Variants in PCBP1 observed in about 807,000 individuals in gnomAD.
PCBP1 encodes the protein poly(rC) binding protein 1.
For synonymous variants in PCBP1, 284 were observed against 195.8 expected (o/e 1.45, Z -3.76); for missense variants, 244 against 474.4 (o/e 0.51, Z 4.51).
Position 70,088,914 on chromosome 2 carries a change from T to A in PCBP1, c.*100T>A. 1 of 834,702 alleles carries A rather than the reference T, an allele frequency of 1.2e-6. No homozygotes were observed. Among genetic ancestry groups the A allele is most frequent in the East Asian group, 2.7e-5 (1 of 37,542 alleles). 51.7% of individuals were successfully genotyped at this position (834,702 alleles called of 1,614,324 possible). On this transcript the variant is annotated 3_prime_UTR_variant, in exon 1 of 1. Transcript: ENST00000303577. The surrounding 1 kb of genome is among the most constrained non-coding windows in gnomAD (Gnocchi z 4.5). ...TTCCAGGTTTTAAATAATTTGTAAG[T>A]GTTCAGTTTCTACACAACTTTATCA... is the stretch of plus-strand genomic sequence containing the variant.
At position 70,089,027 on chromosome 2, in the gene PCBP1, G is replaced by GT. The variant is rs1433166436; in HGVS notation, c.*217dup. On this transcript the variant is annotated 3_prime_UTR_variant, in exon 1 of 1. Transcript: ENST00000303577. Reference sequence around the variant, plus strand: ...TTTTATAAGCTTTTCCCTGTTTTTAGTTTTGTTTTGGGTTTTTTGGCTCAT... The same window carrying GT: ...TTTTATAAGCTTTTCCCTGTTTTTAGTTTTTGTTTTGGGTTTTTTGGCTCAT... 1.1e-5 allele frequency: 5 copies of GT among 460,724 alleles called. No homozygotes were observed. Among genetic ancestry groups the GT allele is most frequent in the Middle Eastern group, 1.1e-3 (2 of 1,786 alleles). The allele number at this position is 460,724 out of a possible 1,614,324, so 28.5% of individuals were successfully genotyped here. A position where few individuals can be genotyped will look rare whatever the true frequency, so the allele number is the denominator to read the frequency against.
At position 70,087,776 on chromosome 2, in the gene PCBP1, T is replaced by C. The variant is rs1558626083; in HGVS notation, c.33T>C (p.Asn11=). 6.4e-7 allele frequency: 1 copy of C among 1,572,444 alleles called. No individual in the cohort carries two copies. The highest frequency in any genetic ancestry group is 2.3e-5 in the East Asian group (1 of 44,414). ...CCGGTGTGACTGAAAGTGGACTAAA[T>C]GTGACTCTCACCATTCGGCTTCTTA... The part of the protein sequence containing the change: MDAGVTESGL[N]VTLTIRLLMH... The change falls in exon 1 of 1, where the codon AAT becomes AAC. Residue 11 remains asparagine (N), a synonymous_variant. Coordinates refer to ENST00000303577, the MANE Select transcript of PCBP1 (RefSeq NM_006196.4).
Position 70,087,493 on chromosome 2 carries a change from C to T in PCBP1, c.-251C>T, listed in dbSNP as rs940884360. On this transcript the variant is annotated 5_prime_UTR_variant, in exon 1 of 1. Coordinates refer to ENST00000303577, the MANE Select transcript of PCBP1 (RefSeq NM_006196.4). ...GCCCCGCCCAGACCGCCGAGGCTGC[C>T]GCCGGAGTCGCCACCGCCGCGCCCT... 3 of 149,820 alleles carry T rather than the reference C, an allele frequency of 2.0e-5. No individual in the cohort carries two copies. The highest frequency in any genetic ancestry group is 3.0e-5 in the Non-Finnish European group (2 of 66,862). 9.3% of individuals were successfully genotyped at this position (149,820 alleles called of 1,614,324 possible).
Position 70,088,894 on chromosome 2 carries a change from G to C in PCBP1, c.*80G>C. ...GTGTAATTTCTGGTCAGTGATTCCA[G>C]GTTTTAAATAATTTGTAAGTGTTCA... On this transcript the variant is annotated 3_prime_UTR_variant, in exon 1 of 1. Transcript: ENST00000303577. The surrounding 1 kb of genome is among the most constrained non-coding windows in gnomAD (Gnocchi z 4.5). 1 of 1,009,530 alleles carries C rather than the reference G, an allele frequency of 9.9e-7. No homozygotes were observed. The highest frequency in any genetic ancestry group is 1.4e-6 in the Non-Finnish European group (1 of 691,258). 62.5% of individuals were successfully genotyped at this position (1,009,530 alleles called of 1,614,324 possible).
rs753428056 is a variant in PCBP1, at chr2:70,087,703, G to T, written c.-41G>T. On this transcript the variant is annotated 5_prime_UTR_variant, in exon 1 of 1. Coordinates refer to ENST00000303577, the MANE Select transcript of PCBP1 (RefSeq NM_006196.4). ...CGCCAGCCGCCAAAGACTTGACCAC[G>T]TAACGAGCCCAACTCCCCCGAACGC... The T allele has an allele frequency of 1.2e-5, 17 of 1,361,052 alleles. No individual in the cohort carries two copies. Among genetic ancestry groups the T allele is most frequent in the Non-Finnish European group, 1.6e-5 (16 of 990,028 alleles). 84.3% of individuals were successfully genotyped at this position (1,361,052 alleles called of 1,614,324 possible).
chr2:70,088,139 G>C lies in PCBP1; in HGVS notation c.396G>C (p.Gln132His). 1 of 1,614,036 alleles carries C rather than the reference G, an allele frequency of 6.2e-7. No homozygotes were observed. The highest frequency in any genetic ancestry group is 1.1e-5 in the South Asian group (1 of 91,084). ...EIRESTGAQV[Q>H]VAGDMLPNST... ...GCGAGAGTACGGGGGCGCAGGTCCA[G>C]GTGGCGGGGGATATGCTGCCCAACT... Residue 132 changes from glutamine (Q) to histidine (H), a missense_variant, in exon 1 of 1, where the codon CAG (glutamine) becomes CAC (histidine). By Grantham distance (24) the Gln-to-His change is conservative (BLOSUM62 0). Coordinates refer to ENST00000303577, the MANE Select transcript of PCBP1 (RefSeq NM_006196.4). The surrounding 1 kb of genome is among the most constrained non-coding windows in gnomAD (Gnocchi z 4.5).
Position 70,087,926 on chromosome 2 carries a change from G to C in PCBP1, c.183G>C (p.Leu61=). 6.2e-7 allele frequency: 1 copy of C among 1,611,800 alleles called. No homozygotes were observed. The highest frequency in any genetic ancestry group is 1.7e-5 in the Admixed American group (1 of 59,948). ...EGNCPERIIT[L]TGPTNAIFKA... ...ATTGTCCGGAGAGAATCATCACTCTGACCGGCCCCACCAATGCCATCTTTA... is the reference window on the plus strand; with the variant it reads ...ATTGTCCGGAGAGAATCATCACTCTCACCGGCCCCACCAATGCCATCTTTA... The change falls in exon 1 of 1, where the codon CTG becomes CTC. Residue 61 remains leucine (L), a synonymous_variant. Coordinates refer to ENST00000303577, the MANE Select transcript of PCBP1 (RefSeq NM_006196.4).
rs552629382 is a variant in PCBP1, at chr2:70,088,891, C to G, written c.*77C>G. 1.9e-6 allele frequency: 2 copies of G among 1,042,004 alleles called. No individual in the cohort carries two copies. The highest frequency in any genetic ancestry group is 2.8e-6 in the Non-Finnish European group (2 of 718,816). 64.5% of individuals were successfully genotyped at this position (1,042,004 alleles called of 1,614,324 possible). On this transcript the variant is annotated 3_prime_UTR_variant, in exon 1 of 1. Coordinates refer to ENST00000303577, the MANE Select transcript of PCBP1 (RefSeq NM_006196.4). This position sits in a 1 kb window ranked among gnomAD's most constrained non-coding sequence, Gnocchi z 4.5. Reference sequence around the variant, plus strand: ...ACTGTGTAATTTCTGGTCAGTGATTCCAGGTTTTAAATAATTTGTAAGTGT... The same window carrying G: ...ACTGTGTAATTTCTGGTCAGTGATTGCAGGTTTTAAATAATTTGTAAGTGT...
chr2:70,088,853 C>T lies in PCBP1; in HGVS notation c.*39C>T, dbSNP rs1558626664. The stretch of plus-strand genomic sequence containing the variant: ...CCCTCAATAACCCCTTTCTGCTGTT[C>T]TCCCATGATCCAACTGTGTAATTTC... On this transcript the variant is annotated 3_prime_UTR_variant, in exon 1 of 1. Transcript: ENST00000303577. The surrounding 1 kb of genome is among the most constrained non-coding windows in gnomAD (Gnocchi z 4.5). 1.9e-5 allele frequency: 27 copies of T among 1,412,252 alleles called. No individual in the cohort carries two copies. The highest frequency in any genetic ancestry group is 7.6e-5 in the South Asian group (6 of 78,912). The allele number at this position is 1,412,252 out of a possible 1,614,324, so 87.5% of individuals were successfully genotyped here. A position where few individuals can be genotyped will look rare whatever the true frequency, so the allele number is the denominator to read the frequency against.
In PCBP1 at chr2:70,087,660, C is replaced by T. The variant is rs1671349261; in HGVS notation, c.-84C>T. 1.0e-6 allele frequency: 1 copy of T among 960,838 alleles called. No homozygotes were observed. The highest frequency in any genetic ancestry group is 2.5e-5 in the Admixed American group (1 of 40,384). The allele number at this position is 960,838 out of a possible 1,614,324, so 59.5% of individuals were successfully genotyped here. On this transcript the variant is annotated 5_prime_UTR_variant, in exon 1 of 1. Transcript: ENST00000303577. Reference sequence around the variant, plus strand: ...TCGCCTCGCGCCGGCAGTTTTGGGCCTACACCTCCCCTCCCCCCGCCAGCC... The same window carrying T: ...TCGCCTCGCGCCGGCAGTTTTGGGCTTACACCTCCCCTCCCCCCGCCAGCC...
In PCBP1 at chr2:70,088,431, A is replaced by G; in HGVS notation, c.688A>G (p.Ile230Val). ...DAYSIQGQHT[I>V]SPLDLAKLNQ... ...CTACTCGATTCAAGGACAACACACC[A>G]TTTCTCCGCTCGATCTGGCCAAGCT... Residue 230 changes from isoleucine (I) to valine (V), a missense_variant, in exon 1 of 1, where the codon ATT becomes GTT. Ile to Val is a conservative substitution (Grantham distance 29). Coordinates refer to ENST00000303577, the MANE Select transcript of PCBP1 (RefSeq NM_006196.4). The surrounding 1 kb of genome is among the most constrained non-coding windows in gnomAD (Gnocchi z 4.5). 6.2e-7 allele frequency: 1 copy of G among 1,614,070 alleles called. No homozygotes were observed. Among genetic ancestry groups the G allele is most frequent in the Non-Finnish European group, 8.5e-7 (1 of 1,180,014 alleles).
rs753741941 is a variant in PCBP1, at chr2:70,087,747, G to C, written c.4G>C (p.Asp2His). 1 of 1,537,246 alleles carries C rather than the reference G, an allele frequency of 6.5e-7. No individual in the cohort carries two copies. Among genetic ancestry groups the C allele is most frequent in the Non-Finnish European group, 8.8e-7 (1 of 1,138,806 alleles). Residue 2 changes from aspartate to histidine, a missense_variant, in exon 1 of 1, where the codon GAT becomes CAT. Physicochemically the swap from Asp to His is moderately conservative, Grantham distance 81 (BLOSUM62 -1). Coordinates refer to ENST00000303577, the MANE Select transcript of PCBP1 (RefSeq NM_006196.4). Reference protein sequence around the residue: MDAGVTESGLNV... With the variant: MHAGVTESGLNV... ...CGAACGCCGCCCGCCGCTCGCCATG[G>C]ATGCCGGTGTGACTGAAAGTGGACT...
Position 70,088,114 on chromosome 2 carries a change from G to A in PCBP1, c.371G>A (p.Arg124His). Residue 124 changes from arginine to histidine, a missense_variant, in exon 1 of 1, where the codon CGC becomes CAC. Coordinates refer to ENST00000303577, the MANE Select transcript of PCBP1 (RefSeq NM_006196.4). This position sits in a 1 kb window ranked among gnomAD's most constrained non-coding sequence, Gnocchi z 4.5. ...GGCGGGTGTAAGATCAAAGAGATCC[G>A]CGAGAGTACGGGGGCGCAGGTCCAG... ...GKGGCKIKEIRESTGAQVQVA... is the reference protein window; with the variant it reads ...GKGGCKIKEIHESTGAQVQVA... The A allele has an allele frequency of 6.2e-7, 1 of 1,613,920 alleles. No individual in the cohort carries two copies. The highest frequency in any genetic ancestry group is 8.5e-7 in the Non-Finnish European group (1 of 1,180,032).
At position 70,087,869 on chromosome 2, in the gene PCBP1, G is replaced by A; in HGVS notation, c.126G>A (p.Glu42=). 6.2e-7 allele frequency: 1 copy of A among 1,612,584 alleles called. No homozygotes were observed. The highest frequency in any genetic ancestry group is 8.5e-7 in the Non-Finnish European group (1 of 1,178,958). The change falls in exon 1 of 1, where the codon GAG becomes GAA. Residue 42 remains glutamate (E), a synonymous_variant. Transcript: ENST00000303577. ...KGESVKRIRE[E]SGARINISEG... is the part of the protein sequence containing the mutation. ...AGTCGGTTAAGAGGATCCGCGAGGA[G>A]AGTGGCGCGCGGATCAACATCTCGG...
In PCBP1 at chr2:70,088,907, T is replaced by G. The variant is rs1203737083; in HGVS notation, c.*93T>G. 1.3e-5 allele frequency: 11 copies of G among 876,406 alleles called. No individual in the cohort carries two copies. In the African/African-American group the frequency reaches 1.9e-4, roughly 15 times the overall value. 54.3% of individuals were successfully genotyped at this position (876,406 alleles called of 1,614,324 possible). On this transcript the variant is annotated 3_prime_UTR_variant, in exon 1 of 1. Transcript: ENST00000303577. The surrounding 1 kb of genome is among the most constrained non-coding windows in gnomAD (Gnocchi z 4.5). ...TCAGTGATTCCAGGTTTTAAATAAT[T>G]TGTAAGTGTTCAGTTTCTACACAAC...
Position 70,087,808 on chromosome 2 carries a change from GA to G in PCBP1, c.68del (p.Lys23ArgfsTer3). On this transcript the variant is annotated frameshift_variant, in exon 1 of 1. Transcript: ENST00000303577. LOFTEE classifies it high-confidence loss of function. ...VTLTIRLLMH[G>X]KEVGSIIGKK... The stretch of plus-strand genomic sequence containing the variant: ...CTCACCATTCGGCTTCTTATGCACG[GA>G]AAGGAAGTAGGAAGCATCATTGGGA... The G allele has an allele frequency of 6.2e-7, 1 of 1,600,482 alleles. No individual in the cohort carries two copies. Among genetic ancestry groups the G allele is most frequent in the Non-Finnish European group, 8.5e-7 (1 of 1,171,454 alleles).
Position 70,087,752 on chromosome 2 carries a change from C to T in PCBP1, c.9C>T (p.Ala3=), listed in dbSNP as rs754887220. MD[A]GVTESGLNVT... ...GCCGCCCGCCGCTCGCCATGGATGC[C>T]GGTGTGACTGAAAGTGGACTAAATG... Residue 3 remains alanine (A), a synonymous_variant, in exon 1 of 1, where the codon GCC becomes GCT. Coordinates refer to ENST00000303577, the MANE Select transcript of PCBP1 (RefSeq NM_006196.4). 6 of 1,545,224 alleles carry T rather than the reference C, an allele frequency of 3.9e-6. No homozygotes were observed. The highest frequency in any genetic ancestry group is 3.8e-5 in the Admixed American group (2 of 51,984).
Position 70,087,603 on chromosome 2 carries a change from C to T in PCBP1, c.-141C>T. On this transcript the variant is annotated 5_prime_UTR_variant, in exon 1 of 1. Coordinates refer to ENST00000303577, the MANE Select transcript of PCBP1 (RefSeq NM_006196.4). The stretch of plus-strand genomic sequence containing the variant: ...CCCCTGCGACTACGCTGCGGCCTCC[C>T]GCCCGCTCCCGCTCGCTCCCGCGGC... 2 of 413,468 alleles carry T rather than the reference C, an allele frequency of 4.8e-6. No individual in the cohort carries two copies. Among genetic ancestry groups the T allele is most frequent in the Non-Finnish European group, 8.3e-6 (2 of 241,512 alleles). 25.6% of individuals were successfully genotyped at this position (413,468 alleles called of 1,614,324 possible).
chr2:70,089,072 CGAT>C lies in PCBP1; in HGVS notation c.*259_*261del, dbSNP rs1671388258. ...GCTCATGAATTTTATTTCTGTTTGT[CGAT>C]AAGAAATGTAAGAGTGGAATGTTAA... On this transcript the variant is annotated 3_prime_UTR_variant, in exon 1 of 1. Transcript: ENST00000303577. 1 of 406,712 alleles carries C rather than the reference CGAT, an allele frequency of 2.5e-6. No individual in the cohort carries two copies. Among genetic ancestry groups the C allele is most frequent in the African/African-American group, 2.1e-5 (1 of 48,724 alleles). The allele number at this position is 406,712 out of a possible 1,614,324, so 25.2% of individuals were successfully genotyped here.
Sources: gnomAD v4.1 joint callset for allele counts on GRCh38, gnomAD v4.1.1 for gene constraint, Gnocchi (gnomAD v3.1) non-coding constraint, MANE v1.5 for transcripts, NCBI Gene and HGNC (gene_info 2026-07-23, HGNC 2026-07-21) for gene names.